Variants in WDR24 observed in about 807,000 individuals in gnomAD.
WDR24 encodes the protein WD repeat domain 24.
WDR24 carries 32 observed loss-of-function variants against 66.7 expected under a neutral mutation model. That is an observed-to-expected ratio of 0.48 (90% CI 0.36 to 0.64). The LOEUF (loss-of-function observed/expected upper bound fraction) is 0.64. WDR24 is among the 30% of genes least tolerant of loss of function. The pLI is 0.00. For synonymous variants in WDR24, 565 were observed against 469.1 expected, an observed-to-expected ratio of 1.20 and a Z score of -2.64; for missense variants, 978 against 1,144.1, an observed-to-expected ratio of 0.85 and a Z score of 2.09.
Position 686,086 on chromosome 16 carries a change from C to T in WDR24, c.1433G>A (p.Gly478Asp). Residue 478 changes from glycine to aspartate, a missense_variant, in exon 4 of 9, where the codon GGC (glycine) becomes GAC (aspartate). Around this residue, in one of 2 missense-constraint regions of WDR24, gnomAD observed 676 missense variants for 617.5 expected, o/e 1.09. Transcript: ENST00000293883. ...CATCTACCTGTTCATGAGCGGGAGGCCACAGGAGCCACCCTTGCCCACACT... is the reference window on the plus strand; with the variant it reads ...CATCTACCTGTTCATGAGCGGGAGGTCACAGGAGCCACCCTTGCCCACACT... ...NHSVGKGGSCGLPLMNSFNLK... is the reference protein window; with the variant it reads ...NHSVGKGGSCDLPLMNSFNLK... 1 of 1,612,964 alleles carries T rather than the reference C, an allele frequency of 6.2e-7. No individual in the cohort carries two copies. Among genetic ancestry groups the T allele is most frequent in the Non-Finnish European group, 8.5e-7 (1 of 1,179,956 alleles).
rs1223366237 is a variant in WDR24 at position 685,051 on chromosome 16, C to T, written c.2145G>A (p.Leu715=). Residue 715 remains leucine (L), a synonymous_variant, in exon 8 of 9, where the codon CTG becomes CTA. Transcript: ENST00000293883. Reference sequence around the variant, plus strand: ...GCTTGCAGTGGCTGCAGTTGACGTGCAGGGTGGTGGAGGCCTGGTTGAGGC... The same window carrying T: ...GCTTGCAGTGGCTGCAGTTGACGTGTAGGGTGGTGGAGGCCTGGTTGAGGC... The part of the protein sequence containing the change: ...VSCLNQASTT[L]HVNCSHCKRP... 15 of 1,558,024 alleles carry T rather than the reference C, an allele frequency of 9.6e-6. No homozygotes were observed. Among genetic ancestry groups the T allele is most frequent in the African/African-American group, 2.7e-5 (2 of 73,664 alleles).
intron 1 of WDR24, 97 bp from the exon 2 acceptor site, chr16:687,836 GC>G: frequency 6.8e-7 from 1 of 1,474,148 alleles, no homozygotes; most frequent in African/African-American, 1.4e-5. Flanking sequence ...CCTGCCTGTG[GC>G]CCAGAACAGA....
intron 3 of WDR24, among the ~76,000 whole-genome samples, chr16:686,500 C>T (rs532139098): frequency 6.6e-6 from 1 of 152,312 alleles, no homozygotes; most frequent in East Asian, 1.9e-4. Flanking sequence ...GGGGGAAGAA[C>T]AGAGAGCTTG....
At position 689,760 on chromosome 16, in the gene WDR24, C is replaced by G. The variant is rs1288249636; in HGVS notation, c.-120G>C. 2.0e-6 allele frequency: 3 copies of G among 1,470,184 alleles called. No homozygotes were observed. The highest frequency in any genetic ancestry group is 2.7e-6 in the Non-Finnish European group (3 of 1,100,232). The allele number at this position is 1,470,184 out of a possible 1,614,324, so 91.1% of individuals were successfully genotyped here. A position where few individuals can be genotyped will look rare whatever the true frequency, so the allele number is the denominator to read the frequency against. ...GGTTGGGACCCCAGAACTGCTTGGTCCCGGGCTGGTCAGTCTTAGTGAGCC... is the reference window on the plus strand; with the variant it reads ...GGTTGGGACCCCAGAACTGCTTGGTGCCGGGCTGGTCAGTCTTAGTGAGCC... On this transcript the variant is annotated 5_prime_UTR_variant, in exon 1 of 9. Transcript: ENST00000293883.
rs763110530 is a variant in WDR24, at chr16:687,091, G to A, written c.985C>T (p.Arg329Cys). ...CGCTCGACGGGCTGGCTGGCGTCGC[G>A]GAACAGGTGCTGGCACAGCGAGCTG... ...KDSSLCQHLF[R>C]DASQPVERAN... Residue 329 changes from arginine to cysteine, a missense_variant, in exon 3 of 9, where the codon CGC (arginine) becomes TGC (cysteine). Transcript: ENST00000293883. 1.6e-5 allele frequency: 26 copies of A among 1,608,836 alleles called. No homozygotes were observed. Among genetic ancestry groups the A allele is most frequent in the Non-Finnish European group, 2.0e-5 (23 of 1,179,396 alleles).
In WDR24 at chr16:687,715, ACGTCC is replaced by A; in HGVS notation, c.501_505del (p.Asp168AlafsTer15). The A allele has an allele frequency of 6.2e-7, 1 of 1,613,360 alleles. No individual in the cohort carries two copies. The highest frequency in any genetic ancestry group is 2.2e-5 in the East Asian group (1 of 44,868). On this transcript the variant is annotated frameshift_variant, in exon 2 of 9. Coordinates refer to ENST00000293883, the MANE Select transcript of WDR24 (RefSeq NM_032259.4). LOFTEE classifies it high-confidence loss of function. ...GAAGTAGTCCCGGATACTGAACTGC[ACGTCC>A]CGCACGCTCTCCGACTGGCCTGCAG...
rs1310597626 is a variant in WDR24 at position 685,112 on chromosome 16, T to G, written c.2084A>C (p.Glu695Ala). Reference protein sequence around the residue: ...QRFRLWNVSNEVVKLSTSRAV... With the variant: ...QRFRLWNVSNAVVKLSTSRAV... ...GCGGCTGGTGCTCAGCTTGACCACC[T>G]CGTTGGACACGTTCCAGAGGCGGAA... Residue 695 changes from glutamate to alanine, a missense_variant, in exon 8 of 9, where the codon GAG becomes GCG. Glu to Ala is a moderately radical substitution (Grantham distance 107). Transcript: ENST00000293883. The G allele has an allele frequency of 6.4e-7, 1 of 1,557,722 alleles. No homozygotes were observed. Among genetic ancestry groups the G allele is most frequent in the Non-Finnish European group, 8.7e-7 (1 of 1,151,502 alleles).
Position 687,126 on chromosome 16 carries a change from C to G in WDR24, c.950G>C (p.Gly317Ala). The change falls in exon 3 of 9, where the codon GGC becomes GCC. Residue 317 changes from glycine (G) to alanine (A), a missense_variant. Physicochemically the swap from Gly to Ala is moderately conservative, Grantham distance 60 (BLOSUM62 0). Coordinates refer to ENST00000293883, the MANE Select transcript of WDR24 (RefSeq NM_032259.4). ...CTGGCACAGCGAGCTGTCCTTGGAG[C>G]CAGACAGCAGGAAGGAGGGGTCGTG... The part of the protein sequence containing the change: ...HPHDPSFLLS[G>A]SKDSSLCQHL... 6.2e-7 allele frequency: 1 copy of G among 1,611,470 alleles called. No homozygotes were observed. The highest frequency in any genetic ancestry group is 1.1e-5 in the South Asian group (1 of 91,062).
At position 685,070 on chromosome 16, in the gene WDR24, T is replaced by A; in HGVS notation, c.2126A>T (p.Asn709Ile). 1 of 1,558,282 alleles carries A rather than the reference T, an allele frequency of 6.4e-7. No homozygotes were observed. Among genetic ancestry groups the A allele is most frequent in the Non-Finnish European group, 8.7e-7 (1 of 1,152,080 alleles). The change falls in exon 8 of 9, where the codon AAC becomes ATC. Residue 709 changes from asparagine to isoleucine, a missense_variant. Physicochemically the swap from Asn to Ile is moderately radical, Grantham distance 149. This residue lies in a region of WDR24 where 676 missense variants were observed against 617.5 expected (regional missense o/e 1.09). Coordinates refer to ENST00000293883, the MANE Select transcript of WDR24 (RefSeq NM_032259.4). Reference sequence around the variant, plus strand: ...GACGTGCAGGGTGGTGGAGGCCTGGTTGAGGCAGCTGACGGCGCGGCTGGT... The same window carrying A: ...GACGTGCAGGGTGGTGGAGGCCTGGATGAGGCAGCTGACGGCGCGGCTGGT... Reference protein sequence around the residue: ...LSTSRAVSCLNQASTTLHVNC... With the variant: ...LSTSRAVSCLIQASTTLHVNC...
rs1393333216 is a variant in WDR24 at position 686,764 on chromosome 16, G to A, written c.1312C>T (p.Arg438Ter). Residue 438 changes from arginine (R) to a stop codon, truncating the protein, a stop_gained, in exon 3 of 9, where the codon CGA (arginine) becomes TGA (stop). Coordinates refer to ENST00000293883, the MANE Select transcript of WDR24 (RefSeq NM_032259.4). LOFTEE classifies it high-confidence loss of function. ...CCTACCTGGTTGCGGCCAAGCTCTCGAGCCACCTTTGCGTTGTGGTCACAG... is the reference window on the plus strand; with the variant it reads ...CCTACCTGGTTGCGGCCAAGCTCTCAAGCCACCTTTGCGTTGTGGTCACAG... Reference protein sequence around the residue: ...ELCDHNAKVARELGRNQVAQT... With the variant: ...ELCDHNAKVA 2.5e-6 allele frequency: 4 copies of A among 1,600,570 alleles called. No individual in the cohort carries two copies. The highest frequency in any genetic ancestry group is 3.4e-6 in the Non-Finnish European group (4 of 1,170,644).
Position 685,983 on chromosome 16 carries a change from G to C in WDR24, c.1459C>G (p.Leu487Val), listed in dbSNP as rs773708374. Residue 487 changes from leucine to valine, a missense_variant, in exon 5 of 9, where the codon CTG becomes GTG. Leu to Val is a conservative substitution (Grantham distance 32). This residue lies in a region of WDR24 where 676 missense variants were observed against 617.5 expected (regional missense o/e 1.09). Coordinates refer to ENST00000293883, the MANE Select transcript of WDR24 (RefSeq NM_032259.4). Reference protein sequence around the residue: ...CGLPLMNSFNLKDMAPGLGSE... With the variant: ...CGLPLMNSFNVKDMAPGLGSE... ...CCCAACCCTGGGGCCATATCCTTCA[G>C]GTTGAAACTGGGGGCAGGAAGGGCC... 4.3e-6 allele frequency: 7 copies of C among 1,613,090 alleles called. No individual in the cohort carries two copies. The highest frequency in any genetic ancestry group is 5.9e-6 in the Non-Finnish European group (7 of 1,179,992).
rs1376767410 is a variant in WDR24 at position 689,972 on chromosome 16, G to A, written c.-332C>T. 1.8e-6 allele frequency: 1 copy of A among 564,840 alleles called. No homozygotes were observed. Among genetic ancestry groups the A allele is most frequent in the Admixed American group, 2.2e-5 (1 of 45,582 alleles). The allele number at this position is 564,840 out of a possible 1,614,324, so 35.0% of individuals were successfully genotyped here. A position where few individuals can be genotyped will look rare whatever the true frequency, so the allele number is the denominator to read the frequency against. On this transcript the variant is annotated 5_prime_UTR_variant, in exon 1 of 9. Coordinates refer to ENST00000293883, the MANE Select transcript of WDR24 (RefSeq NM_032259.4). ...ACATTCCCGGCCCAGGCCACCTCTCGGTACCCCCATCAGCCAGATCTGGGC... is the reference window on the plus strand; with the variant it reads ...ACATTCCCGGCCCAGGCCACCTCTCAGTACCCCCATCAGCCAGATCTGGGC...
At position 686,003 on chromosome 16, in the gene WDR24, AGGGCCCATGGGTGGGTGGGCTCG is replaced by A; in HGVS notation, c.1452-36_1452-14del. 6.2e-7 allele frequency: 1 copy of A among 1,612,960 alleles called. No homozygotes were observed. The highest frequency in any genetic ancestry group is 8.5e-7 in the Non-Finnish European group (1 of 1,179,954). ...CTTCAGGTTGAAACTGGGGGCAGGAAGGGCCCATGGGTGGGTGGGCTCGAGCAGCCCCAGCCCCTGGGGAGAGC... is the reference window on the plus strand; with the variant it reads ...CTTCAGGTTGAAACTGGGGGCAGGAAAGCAGCCCCAGCCCCTGGGGAGAGC... On this transcript the variant is annotated splice_polypyrimidine_tract_variant and intron_variant, in intron 4 of 8. Transcript: ENST00000293883.
At chr16:688,871 C>T (rs1006956642) in intron 1 of WDR24, 29 of 457,026 alleles carry the variant, frequency 6.3e-5, no homozygotes, top group African/African-American at 5.7e-4. Context: ...CTCTGCTCAC[C>T]ACCCAGGCTG....
intron 1 of WDR24, 198 bp from the exon 2 acceptor site, chr16:687,937 C>G (rs556891132): frequency 5.5e-5 from 40 of 728,114 alleles, no homozygotes; most frequent in Non-Finnish European, 9.5e-5. Flanking sequence ...GGGAGCAGGA[C>G]ACCACGTGAT....
chr16:689,599 G>A lies in WDR24; in HGVS notation c.42C>T (p.Ser14=), dbSNP rs147147845. 1.5e-4 allele frequency: 242 copies of A among 1,612,714 alleles called. No homozygotes were observed. Among genetic ancestry groups the A allele is most frequent in the Admixed American group, 3.2e-4 (19 of 59,986 alleles). ...AGTGCATGGTGCGGCCTGTCAGCAC[G>A]CTGCCACCCAGGGCTGTGGTCACAC... ...MSRVTTALGG[S]VLTGRTMHCH... Residue 14 remains serine, a synonymous_variant, in exon 1 of 9, where the codon AGC becomes AGT. Coordinates refer to ENST00000293883, the MANE Select transcript of WDR24 (RefSeq NM_032259.4).
chr16:684,630 AC>A lies in WDR24; in HGVS notation c.*103del. The A allele has an allele frequency of 6.9e-7, 1 of 1,445,630 alleles. No individual in the cohort carries two copies. Among genetic ancestry groups the A allele is most frequent in the African/African-American group, 1.4e-5 (1 of 69,844 alleles). The allele number at this position is 1,445,630 out of a possible 1,614,324, so 89.6% of individuals were successfully genotyped here. ...GACACGCAGTGCCGACAGCGGCTCT[AC>A]TTCCTTTATTGAGGTCTCAAGTTCC... On this transcript the variant is annotated 3_prime_UTR_variant, in exon 9 of 9. Coordinates refer to ENST00000293883, the MANE Select transcript of WDR24 (RefSeq NM_032259.4).
In WDR24 at chr16:685,716, C is replaced by G; in HGVS notation, c.1641G>C (p.Glu547Asp). ...DYLLGDVEGE[E>D]DELYLLDPEH... ...CCGGATCCAGCAGGTACAGCTCGTC[C>G]TCCTCACCTTCCACGTCACCCAGCA... Residue 547 changes from glutamate (E) to aspartate (D), a missense_variant, in exon 6 of 9, where the codon GAG becomes GAC. By Grantham distance (45) the Glu-to-Asp change is conservative. Around this residue, in one of 2 missense-constraint regions of WDR24, gnomAD observed 676 missense variants for 617.5 expected, o/e 1.09. Transcript: ENST00000293883. 6.2e-7 allele frequency: 1 copy of G among 1,613,256 alleles called. No homozygotes were observed.
In WDR24 at chr16:687,413, G is replaced by C. The variant is rs750175790; in HGVS notation, c.663C>G (p.Gly221=). 3 of 1,584,962 alleles carry C rather than the reference G, an allele frequency of 1.9e-6. No homozygotes were observed. Among genetic ancestry groups the C allele is most frequent in the African/African-American group, 2.7e-5 (2 of 74,268 alleles). ...TGTCGCGCCCTCCAGTGGCCAACCAGCCCCTGTGGGAAGAAGGTCCACCCA... is the reference window on the plus strand; with the variant it reads ...TGTCGCGCCCTCCAGTGGCCAACCACCCCCTGTGGGAAGAAGGTCCACCCA... ...FCCDWHPEDR[G]WLATGGRDKM... Residue 221 remains glycine, a synonymous_variant, in exon 3 of 9, where the codon GGC becomes GGG. Transcript: ENST00000293883.
Sources: gnomAD v4.1 joint callset for allele counts (sites outside exome capture counted in the v4.1 genomes callset) on GRCh38, gnomAD v4.1.1 for gene constraint, gnomAD v4.1.1 regional missense constraint, MANE v1.5 for transcripts, NCBI Gene and HGNC (gene_info 2026-07-23, HGNC 2026-07-21) for gene names.